The following STARD13 variants were observed in gnomAD, a reference collection of about 807,000 sequenced individuals.
STARD13 encodes the protein stAR-related lipid transfer protein 13.
Under a neutral mutation model 106.4 loss-of-function variants are expected in STARD13, and 62 were observed. The ratio of observed to expected loss-of-function variants is 0.58; its 90% CI spans 0.48 to 0.72. The LOEUF (loss-of-function observed/expected upper bound fraction) is 0.72. STARD13 is among the 30% of genes least tolerant of loss of function. The pLI is 0.00. For missense variants in STARD13, 1,387 were observed against 1,424.0 expected (o/e 0.97, Z 0.42); for synonymous variants, 565 against 553.0 (o/e 1.02, Z -0.31).
At chr13:33,429,187 G>T in the STARD13 span, among the ~76,000 whole-genome samples, 1 of 152,194 alleles carries the variant, frequency 6.6e-6, no homozygotes, top group Non-Finnish European at 1.5e-5. Context: ...AAACCCAAAA[G>T]AAAGGAAATC....
chr13:33,586,537 T>C, the STARD13 span, among the ~76,000 whole-genome samples: 5 of 152,182 alleles, frequency 3.3e-5, no homozygotes, highest in Admixed American at 2.0e-4. Context: ...CTCAATACTA[T>C]TACTTATGGC....
the STARD13 span, among the ~76,000 whole-genome samples, chr13:33,385,869 A>C: frequency 1.4e-3 from 212 of 151,490 alleles, 2 homozygotes; most frequent in African/African-American, 4.8e-3. Flanking sequence ...AAAAACAAAA[A>C]AAAAAAAATT....
chr13:33,216,246 GA>G (rs1888034290), intron 1 of STARD13, among the ~76,000 whole-genome samples: 1 of 152,126 alleles, frequency 6.6e-6, no homozygotes, highest in South Asian at 2.1e-4. Context: ...GTCATTATAC[GA>G]AAAAGATACT....
At chr13:33,240,362 T>A (rs895296105) in intron 1 of STARD13, among the ~76,000 whole-genome samples, 7 of 152,178 alleles carry the variant, frequency 4.6e-5, no homozygotes, top group African/African-American at 1.7e-4. Flanking sequence ...TTTTGGCTAT[T>A]CAGGATCCTT....
At chr13:33,535,997 G>A in the STARD13 span, among the ~76,000 whole-genome samples, 1 of 152,146 alleles carries the variant, frequency 6.6e-6, no homozygotes, top group African/African-American at 2.4e-5. Context: ...ATCATGATCT[G>A]GAATAAGAGC....
intron 7 of STARD13, among the ~76,000 whole-genome samples, chr13:33,125,053 G>A (rs1876956265): frequency 1.3e-5 from 2 of 152,208 alleles, no homozygotes; most frequent in South Asian, 4.1e-4. Context: ...AAATGAAGAA[G>A]TTACTGCTAT....
chr13:33,340,036 C>T (rs975746203), intron 1 of STARD13, among the ~76,000 whole-genome samples: 3 of 152,174 alleles, frequency 2.0e-5, no homozygotes, highest in Admixed American at 1.3e-4. Flanking sequence ...TACAACTCAA[C>T]ATCAGGTAAG....
At chr13:33,468,111 T>C in the STARD13 span, among the ~76,000 whole-genome samples, 1 of 152,146 alleles carries the variant, frequency 6.6e-6, no homozygotes, top group East Asian at 1.9e-4. Context: ...AGGACCCCGG[T>C]TCTAATCCTA....
At chr13:33,299,026 A>G (rs1892610111) in intron 1 of STARD13, among the ~76,000 whole-genome samples, 3 of 152,256 alleles carry the variant, frequency 2.0e-5, no homozygotes, top group Admixed American at 6.5e-5. Flanking sequence ...AGATTATAAT[A>G]GCATACGTTT....
the STARD13 span, among the ~76,000 whole-genome samples, chr13:33,551,492 C>T: frequency 6.9e-6 from 1 of 145,076 alleles, no homozygotes; most frequent in Non-Finnish European, 1.5e-5. Flanking sequence ...AACCAAAAGG[C>T]AGAGATTGTC....
the STARD13 span, among the ~76,000 whole-genome samples, chr13:33,540,844 A>G: frequency 6.6e-6 from 1 of 152,238 alleles, no homozygotes; most frequent in Non-Finnish European, 1.5e-5. Context: ...GCAAAGGAGT[A>G]GGAGAGCTGA....
intron 1 of STARD13, among the ~76,000 whole-genome samples, chr13:33,244,102 T>C (rs1889703198): frequency 6.6e-6 from 1 of 151,068 alleles, no homozygotes; most frequent in South Asian, 2.1e-4. Flanking sequence ...TCAAAGGAAA[T>C]GCTCACTGGA....
At chr13:33,253,783 A>G (rs1566100329) in intron 1 of STARD13, among the ~76,000 whole-genome samples, 1 of 152,210 alleles carries the variant, frequency 6.6e-6, no homozygotes, top group Non-Finnish European at 1.5e-5. Flanking sequence ...AAAGCCTGAA[A>G]TTGAACTTTC....
the STARD13 span, among the ~76,000 whole-genome samples, chr13:33,516,577 T>C: frequency 6.6e-6 from 1 of 152,136 alleles, no homozygotes; most frequent in Non-Finnish European, 1.5e-5. Context: ...ACTTAGATTC[T>C]ATAAGATTAT....
chr13:33,422,681 C>T, the STARD13 span, among the ~76,000 whole-genome samples: 1 of 152,302 alleles, frequency 6.6e-6, no homozygotes, highest in South Asian at 2.1e-4. Context: ...ATCATGCTAC[C>T]TGACTTCGAA....
At chr13:33,219,312 T>C (rs1161124280) in intron 1 of STARD13, among the ~76,000 whole-genome samples, 2 of 151,856 alleles carry the variant, frequency 1.3e-5, no homozygotes, top group African/African-American at 4.8e-5. Context: ...CTCTTGCTGC[T>C]CCTCTGCTTG....
At chr13:33,150,676 T>C (rs1361675004) in intron 3 of STARD13, among the ~76,000 whole-genome samples, 3 of 152,250 alleles carry the variant, frequency 2.0e-5, no homozygotes, top group Non-Finnish European at 4.4e-5. Context: ...CTTCATGTTT[T>C]GAGCAAACTG....
chr13:33,324,276 G>A (rs1380718576), intron 1 of STARD13, among the ~76,000 whole-genome samples: 8 of 152,118 alleles, frequency 5.3e-5, no homozygotes, highest in South Asian at 2.1e-4. Context: ...GGGTGTGAAC[G>A]GTGCAGACTC....
chr13:33,529,398 T>A, the STARD13 span, among the ~76,000 whole-genome samples: 2 of 152,306 alleles, frequency 1.3e-5, no homozygotes, highest in South Asian at 4.1e-4. Flanking sequence ...CATAGTTGAT[T>A]TAGAAATCTG....
Sources: allele counts gnomAD v4.1 joint callset (sites outside exome capture counted in the v4.1 genomes callset), GRCh38; gene constraint gnomAD v4.1.1; transcripts MANE v1.5; gene names NCBI Gene and HGNC (gene_info 2026-07-23, HGNC 2026-07-21).